CCDC149: variants seen among roughly 807,000 people sequenced by gnomAD.
The protein encoded by CCDC149 is coiled-coil domain containing 149, also known as coiled-coil domain-containing protein 149.
Under a neutral mutation model 59.9 loss-of-function variants are expected in CCDC149, and 45 were observed. That is an observed-to-expected ratio of 0.75 (90% CI 0.59 to 0.96). The LOEUF is 0.96. CCDC149 is among the 40% of genes least tolerant of loss of function. The pLI is 0.00. For synonymous variants in CCDC149, 245 were observed against 260.6 expected (o/e 0.94, Z 0.58); for missense variants, 584 against 664.7 (o/e 0.88, Z 1.33).
chr4:24,888,255 C>T (rs1281733187), intron 1 of CCDC149, among the ~76,000 whole-genome samples: 1 of 152,112 alleles, frequency 6.6e-6, no homozygotes, highest in Admixed American at 6.5e-5. Context: ...TCAGTTCCCA[C>T]CAAGCTGAAT....
At chr4:24,938,689 C>G (rs1303517243) in intron 1 of CCDC149, among the ~76,000 whole-genome samples, 1 of 152,094 alleles carries the variant, frequency 6.6e-6, no homozygotes, top group African/African-American at 2.4e-5. Flanking sequence ...TTGGGTCACT[C>G]CCACCCTAAC....
intron 9 of CCDC149, chr4:24,829,819 T>C (rs1716015545): frequency 1.3e-5 from 2 of 152,354 alleles, no homozygotes; most frequent in South Asian, 4.2e-4. Context: ...CCAACATAAG[T>C]GACCTCCCGG....
chr4:24,909,143 T>A (rs1419112336), intron 1 of CCDC149, among the ~76,000 whole-genome samples: 2 of 152,206 alleles, frequency 1.3e-5, no homozygotes. Flanking sequence ...AACTGACCTC[T>A]GTAGGATTGT....
chr4:24,917,257 G>A (rs4697077), upstream of CCDC149, among the ~76,000 whole-genome samples: 136,880 of 152,228 alleles, frequency 0.9, 62,191 homozygotes, highest in Non-Finnish European at 0.97. Flanking sequence ...GCGGCAAACA[G>A]TCAGCACGAG....
At chr4:24,945,124 G>T (rs73250636) in intron 1 of CCDC149, among the ~76,000 whole-genome samples, 1 of 152,154 alleles carries the variant, frequency 6.6e-6, no homozygotes, top group Admixed American at 6.5e-5. Flanking sequence ...CCACTCCCAG[G>T]CTTGTTGACC....
chr4:24,847,487 G>C (rs752147237), intron 4 of CCDC149, among the ~76,000 whole-genome samples: 18 of 152,094 alleles, frequency 1.2e-4, no homozygotes, highest in Non-Finnish European at 2.4e-4. Flanking sequence ...AGTACCATGG[G>C]AGCTAGTACC....
chr4:24,834,869 G>A, intron 8 of CCDC149, 79 bp downstream of exon 8: 1 of 1,061,354 alleles, frequency 9.4e-7, no homozygotes, highest in Non-Finnish European at 1.4e-6. Context: ...CACAAAAGCA[G>A]CAGCCTGGAT....
chr4:24,835,707 G>A (rs1411393096), intron 7 of CCDC149, among the ~76,000 whole-genome samples: 1 of 152,150 alleles, frequency 6.6e-6, no homozygotes, highest in African/African-American at 2.4e-5. Flanking sequence ...CCACAAAATG[G>A]AAAGGAAGAA....
intron 1 of CCDC149, among the ~76,000 whole-genome samples, chr4:24,949,273 G>A (rs1162743868): frequency 6.6e-6 from 1 of 152,130 alleles, no homozygotes; most frequent in African/African-American, 2.4e-5. Context: ...AGACTTCTTA[G>A]GTAAAACAGA....
At chr4:24,940,590 C>T (rs1722923694) in intron 1 of CCDC149, among the ~76,000 whole-genome samples, 1 of 152,172 alleles carries the variant, frequency 6.6e-6, no homozygotes, top group South Asian at 2.1e-4. Context: ...AATTAAAAGG[C>T]ACAGACTGGC....
chr4:24,858,433 A>G (rs1718166644), intron 3 of CCDC149, among the ~76,000 whole-genome samples: 1 of 152,256 alleles, frequency 6.6e-6, no homozygotes, highest in Admixed American at 6.5e-5. Context: ...GCGAGAGCCA[A>G]CATTAAAGGT....
chr4:24,980,051 A>G (rs1724410141), intron 1 of CCDC149: 2 of 152,236 alleles, frequency 1.3e-5, no homozygotes, highest in South Asian at 4.1e-4. Flanking sequence ...GTTAAACAGG[A>G]AAAGAAAGGA....
At chr4:24,954,734 G>T (rs1344341575) in intron 1 of CCDC149, among the ~76,000 whole-genome samples, 1 of 152,190 alleles carries the variant, frequency 6.6e-6, no homozygotes, top group Non-Finnish European at 1.5e-5. Flanking sequence ...CTAGCACTCT[G>T]GGCCTGTGAT....
At chr4:24,950,877 C>T (rs1001818908) in intron 1 of CCDC149, among the ~76,000 whole-genome samples, 2 of 152,208 alleles carry the variant, frequency 1.3e-5, no homozygotes, top group Non-Finnish European at 2.9e-5. Flanking sequence ...GCCAACGTGG[C>T]CACAGGAAGT....
intron 1 of CCDC149, among the ~76,000 whole-genome samples, chr4:24,973,284 G>A (rs1372922540): frequency 6.6e-6 from 1 of 152,204 alleles, no homozygotes; most frequent in African/African-American, 2.4e-5. Flanking sequence ...TCTTGGGACT[G>A]TGCCTCAGGC....
chr4:24,926,905 C>T (rs1423240477), intron 1 of CCDC149, among the ~76,000 whole-genome samples: 2 of 152,220 alleles, frequency 1.3e-5, no homozygotes, highest in African/African-American at 2.4e-5. Context: ...CACTTAGCTT[C>T]CTCGCAGCAT....
At chr4:24,932,425 G>T (rs1166093767) in intron 1 of CCDC149, among the ~76,000 whole-genome samples, 1 of 152,072 alleles carries the variant, frequency 6.6e-6, no homozygotes, top group African/African-American at 2.4e-5. Flanking sequence ...AACACCTAGG[G>T]GACAGCAAGA....
At position 24,807,609 on chromosome 4, in the gene CCDC149, C is replaced by T. The variant is rs752709535; in HGVS notation, c.*780G>A. 6.6e-6 allele frequency: 1 copy of T among 152,196 alleles called. No homozygotes were observed. Among genetic ancestry groups the T allele is most frequent in the Non-Finnish European group, 1.5e-5 (1 of 68,076 alleles). The allele number at this position is 152,196 out of a possible 1,614,324, so 9.4% of individuals were successfully genotyped here. A position where few individuals can be genotyped will look rare whatever the true frequency, so the allele number is the denominator to read the frequency against. ...TTCCAGGTGGTAGCTCTCATCTCAT[C>T]TCACAAAAAAAACCAGACCACCACT... On this transcript the variant is annotated 3_prime_UTR_variant, in exon 13 of 13. Coordinates refer to ENST00000635206, the MANE Select transcript of CCDC149 (RefSeq NM_001330643.2).
intron 4 of CCDC149, among the ~76,000 whole-genome samples, chr4:24,844,077 C>T (rs1050319370): frequency 5.3e-5 from 8 of 152,092 alleles, no homozygotes; most frequent in African/African-American, 1.7e-4. Context: ...GCCTTCTCTG[C>T]ACATTATCAC....
Sources: gnomAD v4.1 joint callset for allele counts (sites outside exome capture counted in the v4.1 genomes callset) on GRCh38, gnomAD v4.1.1 for gene constraint, MANE v1.5 for transcripts, NCBI Gene and HGNC (gene_info 2026-07-23, HGNC 2026-07-21) for gene names.